Variants in ELF2 observed in about 807,000 individuals in gnomAD.
The protein encoded by ELF2 is ETS-related transcription factor Elf-2.
ELF2 carries 11 observed loss-of-function variants against 54.8 expected under a neutral mutation model. The ratio of observed to expected loss-of-function variants is 0.20; its 90% CI spans 0.13 to 0.33. The LOEUF (loss-of-function observed/expected upper bound fraction) is 0.33, where lower values mean the gene tolerates loss of function less well. Ranked by LOEUF, ELF2 falls within the 10% of genes least tolerant of loss-of-function variation. The pLI is 1.00. For synonymous variants in ELF2, 203 were observed against 245.1 expected, an observed-to-expected ratio of 0.83 and a Z score of 1.61; for missense variants, 513 against 703.0, an observed-to-expected ratio of 0.73 and a Z score of 3.06.
chr4:139,158,702 G>A (rs1372182576), intron 1 of ELF2, among the ~76,000 whole-genome samples: 1 of 152,062 alleles, frequency 6.6e-6, no homozygotes, highest in Non-Finnish European at 1.5e-5. Flanking sequence ...CGGAATAAGA[G>A]AAGGAAAAAA....
rs147586583 is a variant in ELF2, at chr4:139,077,813, A to G, written c.239-4246T>C. Reference sequence around the variant, plus strand: ...AAGTAGAATTCCTTATCTTACTTAAAACTTGACTTACTGGTATCTTTCTAC... The same window carrying G: ...AAGTAGAATTCCTTATCTTACTTAAGACTTGACTTACTGGTATCTTTCTAC... On this transcript the variant is annotated intron_variant, in intron 4 of 9. Coordinates refer to ENST00000686138, the MANE Select transcript of ELF2 (RefSeq NM_001331036.3). Among the ~76,000 whole-genome samples, 6 of 152,282 alleles carry G rather than the reference A, an allele frequency of 3.9e-5. No individual in the cohort carries two copies. In the East Asian group the frequency reaches 1.2e-3, roughly 29 times the overall value.
In ELF2 at chr4:139,061,963, G is replaced by C. The variant is rs144200936; in HGVS notation, c.708C>G (p.Gly236=). Residue 236 remains glycine, a synonymous_variant, in exon 8 of 10, where the codon GGC becomes GGG. Transcript: ENST00000686138. ...CCTTTGAATCCACCAGCTTGAATAT[G>C]CCTTTTTCTCTCTGAGTCCATTTAA... ...RYIKWTQREK[G]IFKLVDSKAV... 6.2e-7 allele frequency: 1 copy of C among 1,613,792 alleles called. No homozygotes were observed. The highest frequency in any genetic ancestry group is 1.3e-5 in the African/African-American group (1 of 74,896).
chr4:139,092,395 AACATAACATAACATAACAT>A (rs1402064552), intron 4 of ELF2, among the ~76,000 whole-genome samples: 11 of 114,746 alleles, frequency 9.6e-5, no homozygotes, highest in Admixed American at 2.9e-4. Flanking sequence ...AACATAACAT[AACATAACATAACATAACAT>A]ACATAACATA....
At chr4:139,121,201 C>T (rs1294993438) in intron 4 of ELF2, among the ~76,000 whole-genome samples, 4 of 146,966 alleles carry the variant, frequency 2.7e-5, no homozygotes, top group Admixed American at 6.8e-5. Context: ...CTCCGCCTCC[C>T]GGGTTCACGC....
At chr4:139,103,332 G>A (rs1734100444) in intron 4 of ELF2, among the ~76,000 whole-genome samples, 1 of 152,164 alleles carries the variant, frequency 6.6e-6, no homozygotes, top group Admixed American at 6.5e-5. Flanking sequence ...TCTTCAGGAT[G>A]GGGGCTAGTC....
intron 1 of ELF2, among the ~76,000 whole-genome samples, chr4:139,158,903 G>A (rs760021938): frequency 2.0e-5 from 3 of 151,972 alleles, no homozygotes; most frequent in Non-Finnish European, 2.9e-5. Context: ...ACAATTAGTC[G>A]TTTCACCTTT....
chr4:139,098,496 C>T lies in ELF2; in HGVS notation c.239-24929G>A, dbSNP rs370296269. 6.8e-3 allele frequency among the ~76,000 whole-genome samples: 993 copies of T among 146,930 alleles called. 14 individuals carry two copies. The highest frequency in any genetic ancestry group is 0.024 in the African/African-American group (950 of 39,734). ...TTTTTTTTTTTTTTTTGAGACAGAGCTTCACTCTGTCACCCAGGCTGGAGT... is the reference window on the plus strand; with the variant it reads ...TTTTTTTTTTTTTTTTGAGACAGAGTTTCACTCTGTCACCCAGGCTGGAGT... On this transcript the variant is annotated intron_variant, in intron 4 of 9. Transcript: ENST00000686138.
chr4:139,089,077 C>G (rs1414151639), intron 4 of ELF2, among the ~76,000 whole-genome samples: 1 of 152,194 alleles, frequency 6.6e-6, no homozygotes, highest in Non-Finnish European at 1.5e-5. Context: ...AATACTATTT[C>G]TATACTGATT....
chr4:139,073,694 ACT>A lies in ELF2; in HGVS notation c.239-129_239-128del, dbSNP rs559068173. 1.8e-3 allele frequency: 825 copies of A among 458,652 alleles called. 13 individuals are homozygous for A. The highest frequency in any genetic ancestry group is 5.5e-4 in the Middle Eastern group (1 of 1,806). The allele number at this position is 458,652 out of a possible 1,614,324, so 28.4% of individuals were successfully genotyped here. ...AAATAAATAAATATAAAATAACATG[ACT>A]AACTCTAAGCCATTGATATCTATTC... is the stretch of plus-strand genomic sequence containing the variant. On this transcript the variant is annotated intron_variant, in intron 4 of 9. Coordinates refer to ENST00000686138, the MANE Select transcript of ELF2 (RefSeq NM_001331036.3).
chr4:139,130,521 T>TC (rs1737385868), intron 3 of ELF2, among the ~76,000 whole-genome samples: 1 of 152,228 alleles, frequency 6.6e-6, no homozygotes, highest in Non-Finnish European at 1.5e-5. Context: ...TGAAGGCTTT[T>TC]CATCAAGTTC....
intron 4 of ELF2, among the ~76,000 whole-genome samples, chr4:139,123,108 C>T (rs1164182221): frequency 3.3e-5 from 5 of 150,032 alleles, no homozygotes; most frequent in African/African-American, 9.8e-5. Context: ...CATTTGAACC[C>T]GGGAGGCAGG....
chr4:139,162,351 G>C (rs1346394086), intron 1 of ELF2, among the ~76,000 whole-genome samples: 2 of 152,082 alleles, frequency 1.3e-5, no homozygotes, highest in African/African-American at 4.8e-5. Context: ...GGCCAACACG[G>C]TGAAACCCCG....
intron 4 of ELF2, among the ~76,000 whole-genome samples, chr4:139,085,640 C>G (rs1304027674): frequency 1.3e-5 from 2 of 152,146 alleles, no homozygotes; most frequent in African/African-American, 4.8e-5. Context: ...GATCCTCACT[C>G]TCCCAAAAAA....
intron 1 of ELF2, among the ~76,000 whole-genome samples, chr4:139,148,600 A>G (rs1209359807): frequency 1.3e-5 from 2 of 151,464 alleles, no homozygotes; most frequent in African/African-American, 4.9e-5. Context: ...ATCCTATTGT[A>G]TAGACATATC....
intron 4 of ELF2, among the ~76,000 whole-genome samples, chr4:139,086,351 T>C (rs933886692): frequency 1.3e-5 from 2 of 152,176 alleles, no homozygotes; most frequent in African/African-American, 2.4e-5. Context: ...TGGAATCATA[T>C]AGTTTAGGAG....
At chr4:139,148,006 A>C (rs2148878501) in intron 1 of ELF2, among the ~76,000 whole-genome samples, 1 of 151,140 alleles carries the variant, frequency 6.6e-6, no homozygotes, top group African/African-American at 2.4e-5. Flanking sequence ...GGCTGGTCGC[A>C]AACTCTTGAC....
At chr4:139,083,938 C>G (rs1731567736) in intron 4 of ELF2, among the ~76,000 whole-genome samples, 1 of 152,238 alleles carries the variant, frequency 6.6e-6, no homozygotes, top group Non-Finnish European at 1.5e-5. Flanking sequence ...AGGCAGGTTA[C>G]TCTCCAAGGT....
At chr4:139,166,932 ACT>A in intron 1 of ELF2, among the ~76,000 whole-genome samples, 1 of 152,200 alleles carries the variant, frequency 6.6e-6, no homozygotes, top group Non-Finnish European at 1.5e-5. Flanking sequence ...TATTTGAAAC[ACT>A]GTTGGTTCTT....
At chr4:139,060,751 A>G (rs2148660355) in intron 8 of ELF2, 77 bp from the exon 9 acceptor site, 2 of 1,147,442 alleles carry the variant, frequency 1.7e-6, no homozygotes, top group East Asian at 4.7e-5. Context: ...AAAAGACCAC[A>G]TACAGTGGAT....
Sources: allele counts gnomAD v4.1 joint callset (sites outside exome capture counted in the v4.1 genomes callset), GRCh38; gene constraint gnomAD v4.1.1; transcripts MANE v1.5; gene names NCBI Gene and HGNC (gene_info 2026-07-23, HGNC 2026-07-21).